ANO3: variants seen among roughly 807,000 people sequenced by gnomAD.
ANO3 encodes anoctamin-3.
ANO3 carries 99 observed loss-of-function variants against 144.8 expected under a neutral mutation model. The observed-to-expected ratio is 0.68, with a 90% confidence interval of 0.58 to 0.81. The LOEUF (loss-of-function observed/expected upper bound fraction) is 0.81, where lower values mean the gene tolerates loss of function less well. Ranked by LOEUF, ANO3 falls within the 30% of genes least tolerant of loss-of-function variation. ANO3 has a pLI of 0.00. For synonymous variants in ANO3, 414 were observed against 392.6 expected (o/e 1.05, Z -0.64); for missense variants, 905 against 1,202.2 (o/e 0.75, Z 3.66).
chr11:26,201,715 G>C (rs1291134902), intron 1 of ANO3, among the ~76,000 whole-genome samples: 1 of 150,594 alleles, frequency 6.6e-6, no homozygotes, highest in African/African-American at 2.4e-5. Context: ...TAGTGGAGTA[G>C]TAATATGTTT....
chr11:26,446,639 C>A (rs544799705), intron 3 of ANO3, among the ~76,000 whole-genome samples: 41 of 152,280 alleles, frequency 2.7e-4, no homozygotes, highest in African/African-American at 8.4e-4. Flanking sequence ...TTGGTCAAAT[C>A]TTTATTCTTA....
chr11:26,230,995 C>T (rs1484701038), intron 1 of ANO3, among the ~76,000 whole-genome samples: 2 of 150,764 alleles, frequency 1.3e-5, no homozygotes, highest in Admixed American at 1.3e-4. Context: ...TCTCCTGCCT[C>T]AGCCTCCTGA....
At chr11:26,425,807 A>G (rs749546948) in intron 1 of ANO3, among the ~76,000 whole-genome samples, 1 of 152,072 alleles carries the variant, frequency 6.6e-6, no homozygotes, top group Non-Finnish European at 1.5e-5. Flanking sequence ...CACAATTGCT[A>G]TGGTCTTTTC....
At chr11:26,276,724 T>G (rs1171472874) in intron 1 of ANO3, among the ~76,000 whole-genome samples, 3 of 152,106 alleles carry the variant, frequency 2.0e-5, no homozygotes, top group African/African-American at 7.2e-5. Flanking sequence ...CTCTTTCACA[T>G]AAAAATAAAA....
intron 1 of ANO3, among the ~76,000 whole-genome samples, chr11:26,342,817 C>T (rs1332505824): frequency 6.6e-6 from 1 of 151,980 alleles, no homozygotes; most frequent in Non-Finnish European, 1.5e-5. Flanking sequence ...ACACTTTTAT[C>T]ACTTTATTTT....
At chr11:26,454,502 A>G (rs973196018) in intron 3 of ANO3, among the ~76,000 whole-genome samples, 1 of 152,214 alleles carries the variant, frequency 6.6e-6, no homozygotes, top group Non-Finnish European at 1.5e-5. Context: ...TCCTCAACAT[A>G]TATGCTCTCC....
intron 1 of ANO3, among the ~76,000 whole-genome samples, chr11:26,354,504 CAA>C (rs942081447): frequency 2.6e-5 from 4 of 152,076 alleles, no homozygotes; most frequent in Non-Finnish European, 4.4e-5. Context: ...GACATAATGA[CAA>C]AGACAAAAAA....
At chr11:26,206,483 G>A (rs910741519) in intron 1 of ANO3, among the ~76,000 whole-genome samples, 2 of 152,004 alleles carry the variant, frequency 1.3e-5, no homozygotes, top group African/African-American at 4.8e-5. Context: ...CAAAAAATTA[G>A]CTTCTATTTT....
intron 1 of ANO3, among the ~76,000 whole-genome samples, chr11:26,278,427 T>C (rs1180277852): frequency 1.3e-5 from 2 of 152,166 alleles, no homozygotes; most frequent in African/African-American, 2.4e-5. Context: ...TAATGACTCA[T>C]TACAGAATAT....
intron 1 of ANO3, among the ~76,000 whole-genome samples, chr11:26,392,827 C>T (rs1169177284): frequency 6.6e-6 from 1 of 152,062 alleles, no homozygotes; most frequent in Non-Finnish European, 1.5e-5. Context: ...GGCCTTGGTT[C>T]AAGCCATACC....
At chr11:26,453,959 C>A (rs1455532041) in intron 3 of ANO3, among the ~76,000 whole-genome samples, 2 of 152,140 alleles carry the variant, frequency 1.3e-5, no homozygotes, top group Non-Finnish European at 2.9e-5. Context: ...AACTGAGCAA[C>A]CTGCTCCTGA....
intron 12 of ANO3, among the ~76,000 whole-genome samples, chr11:26,548,695 T>C (rs2134220196): frequency 6.6e-6 from 1 of 152,110 alleles, no homozygotes; most frequent in African/African-American, 2.4e-5. Flanking sequence ...CAAAGTCCCC[T>C]TGTTCTTCAT....
chr11:26,425,472 G>A (rs572477446), intron 1 of ANO3, among the ~76,000 whole-genome samples: 1 of 151,860 alleles, frequency 6.6e-6, no homozygotes, highest in East Asian at 1.9e-4. Context: ...AAATTATATA[G>A]GTAAAACAAT....
At chr11:26,298,363 T>C (rs2133860259) in intron 1 of ANO3, among the ~76,000 whole-genome samples, 1 of 152,290 alleles carries the variant, frequency 6.6e-6, no homozygotes, top group South Asian at 2.1e-4. Flanking sequence ...CAATTTTTCC[T>C]GTATATTTTA....
At chr11:26,235,594 CTTTTTTT>C (rs55765741) in intron 1 of ANO3, among the ~76,000 whole-genome samples, 1 of 139,714 alleles carries the variant, frequency 7.2e-6, no homozygotes, top group Non-Finnish European at 1.6e-5. Context: ...ACAATGTATA[CTTTTTTT>C]TTTTTTTTTT....
At chr11:26,542,322 G>A (rs1011451047) in intron 11 of ANO3, among the ~76,000 whole-genome samples, 1 of 152,062 alleles carries the variant, frequency 6.6e-6, no homozygotes, top group Non-Finnish European at 1.5e-5. Context: ...CCCCTTAAGG[G>A]TGGAGAGAAA....
At chr11:26,548,637 C>T (rs12279320) in intron 12 of ANO3, among the ~76,000 whole-genome samples, 7,967 of 151,972 alleles carry the variant, frequency 0.052, 265 homozygotes, top group Admixed American at 0.095. Flanking sequence ...GCTTTATTGT[C>T]CTAGAATTAA....
chr11:26,416,268 G>A (rs1320453917), intron 1 of ANO3, among the ~76,000 whole-genome samples: 1 of 152,020 alleles, frequency 6.6e-6, no homozygotes, highest in Non-Finnish European at 1.5e-5. Flanking sequence ...TAGAATTCCT[G>A]AAGATTTGTA....
At chr11:26,540,610 A>T (rs1849618429) in intron 10 of ANO3, among the ~76,000 whole-genome samples, 1 of 152,206 alleles carries the variant, frequency 6.6e-6, no homozygotes, top group African/African-American at 2.4e-5. Flanking sequence ...CAAGAAAAAA[A>T]ATAACCCCAT....
Sources: allele counts gnomAD v4.1 joint callset (sites outside exome capture counted in the v4.1 genomes callset), GRCh38; gene constraint gnomAD v4.1.1; transcripts MANE v1.5; gene names NCBI Gene and HGNC (gene_info 2026-07-23, HGNC 2026-07-21).